Variants in BRINP3 observed in about 807,000 individuals in gnomAD.
BRINP3 encodes the protein BMP/retinoic acid-inducible neural-specific protein 3.
A neutral mutation model predicts 71.0 loss-of-function variants in BRINP3; 19 were observed. The ratio of observed to expected loss-of-function variants is 0.27; its 90% CI spans 0.19 to 0.39. The LOEUF is 0.39. Among genes scored for constraint, BRINP3 ranks in the 10% least tolerant of loss-of-function variants. The pLI, the probability that BRINP3 is intolerant of heterozygous loss-of-function variation, is 1.00. For missense variants in BRINP3, 959 were observed against 940.8 expected (o/e 1.02, Z -0.25); for synonymous variants, 380 against 337.7 (o/e 1.13, Z -1.37).
At chr1:190,390,248 G>A (rs1046260544) in intron 2 of BRINP3, among the ~76,000 whole-genome samples, 2 of 151,670 alleles carry the variant, frequency 1.3e-5, no homozygotes, top group Admixed American at 6.6e-5. Context: ...ATCAGAGGTT[G>A]GAGGAAAGAG....
At chr1:190,290,172 G>C (rs370132192) in intron 2 of BRINP3, among the ~76,000 whole-genome samples, 15 of 152,054 alleles carry the variant, frequency 9.9e-5, no homozygotes, top group African/African-American at 3.4e-4. Context: ...CATGTGACTA[G>C]GGCAAATTAA....
At position 190,227,966 on chromosome 1, in the gene BRINP3, T is replaced by C. The variant is rs529885826; in HGVS notation, c.725-1648A>G. Among the ~76,000 whole-genome samples the C allele has an allele frequency of 2.6e-5, 4 of 152,050 alleles. No homozygotes were observed. In the South Asian group the frequency reaches 8.3e-4, roughly 32 times the overall value. Reference sequence around the variant, plus strand: ...TTTGGAAGTAGAAGGTAAAGAAATATATTAGAGTTGACTAATTTTTAAGAT... The same window carrying C: ...TTTGGAAGTAGAAGGTAAAGAAATACATTAGAGTTGACTAATTTTTAAGAT... On this transcript the variant is annotated intron_variant, in intron 5 of 7. Transcript: ENST00000367462.
At chr1:190,385,298 AC>A (rs2102273689) in intron 2 of BRINP3, among the ~76,000 whole-genome samples, 1 of 152,302 alleles carries the variant, frequency 6.6e-6, no homozygotes, top group East Asian at 1.9e-4. Flanking sequence ...CAGACAGCCT[AC>A]AAAATGGGAG....
chr1:190,156,042 C>A (rs1003144788), intron 7 of BRINP3, among the ~76,000 whole-genome samples: 1 of 152,008 alleles, frequency 6.6e-6, no homozygotes, highest in African/African-American at 2.4e-5. Flanking sequence ...AGAATAGGAG[C>A]AAAAGTTGAC....
At chr1:190,277,343 C>G (rs1662673463) in intron 3 of BRINP3, among the ~76,000 whole-genome samples, 1 of 150,914 alleles carries the variant, frequency 6.6e-6, no homozygotes, top group South Asian at 2.1e-4. Flanking sequence ...TTCTGCTCCT[C>G]ACTGCCTTAG....
At chr1:190,294,236 T>C (rs532735479) in intron 2 of BRINP3, among the ~76,000 whole-genome samples, 7 of 150,340 alleles carry the variant, frequency 4.7e-5, no homozygotes, top group South Asian at 2.1e-4. Context: ...AAACATCTTA[T>C]AGCTATCAGA....
At chr1:190,453,833 A>C (rs1300756156) in intron 2 of BRINP3, among the ~76,000 whole-genome samples, 1 of 152,196 alleles carries the variant, frequency 6.6e-6, no homozygotes, top group Non-Finnish European at 1.5e-5. Context: ...AAAATACACA[A>C]CAAATGTGCT....
rs145739971 is a variant in BRINP3, at chr1:190,407,824, T to G, written c.236+46831A>C. Among the ~76,000 whole-genome samples the G allele has an allele frequency of 2.6e-4, 39 of 152,206 alleles. 1 individual carries two copies. The East Asian group carries it at 7.2e-3, about 28-fold the overall frequency. ...TAATAAACAAAAAGTCAATATCACA[T>G]GAACACCTAAAGCCCTGTATTATAT... On this transcript the variant is annotated intron_variant, in intron 2 of 7. Coordinates refer to ENST00000367462, the MANE Select transcript of BRINP3 (RefSeq NM_199051.3).
intron 2 of BRINP3, among the ~76,000 whole-genome samples, chr1:190,291,366 C>T (rs2102967653): frequency 6.6e-6 from 1 of 151,854 alleles, no homozygotes; most frequent in African/African-American, 2.4e-5. Flanking sequence ...AGCTTCCAAA[C>T]AACAAAGGAA....
At chr1:190,121,886 T>A (rs1571759314) in intron 7 of BRINP3, among the ~76,000 whole-genome samples, 1 of 152,230 alleles carries the variant, frequency 6.6e-6, no homozygotes, top group East Asian at 1.9e-4. Context: ...AGAGGAATTT[T>A]AAAAAATAAA....
intron 2 of BRINP3, among the ~76,000 whole-genome samples, chr1:190,344,682 C>T (rs1308972020): frequency 6.6e-6 from 1 of 151,764 alleles, no homozygotes; most frequent in Non-Finnish European, 1.5e-5. Context: ...ATCAAGTGTT[C>T]ACTGATAATC....
intron 2 of BRINP3, among the ~76,000 whole-genome samples, chr1:190,355,910 A>G (rs1668698854): frequency 6.6e-6 from 1 of 151,868 alleles, no homozygotes; most frequent in African/African-American, 2.4e-5. Flanking sequence ...TCTAAGCCAA[A>G]TCCCTAGTCA....
At chr1:190,260,077 A>G (rs575061889) in intron 4 of BRINP3, among the ~76,000 whole-genome samples, 1 of 151,582 alleles carries the variant, frequency 6.6e-6, no homozygotes, top group East Asian at 1.9e-4. Flanking sequence ...CCACAAAAAA[A>G]AAAAAGAAAA....
chr1:190,234,593 T>C, intron 4 of BRINP3, 116 bp from the exon 5 acceptor site: 2 of 688,834 alleles, frequency 2.9e-6, no homozygotes, highest in Non-Finnish European at 5.0e-6. Context: ...CACTGAAAGG[T>C]CCAGGATCTC....
intron 7 of BRINP3, among the ~76,000 whole-genome samples, chr1:190,147,657 A>G (rs1656008111): frequency 6.6e-6 from 1 of 152,252 alleles, no homozygotes; most frequent in Non-Finnish European, 1.5e-5. Context: ...AAAACAAAAC[A>G]AAACAAAATT....
chr1:190,298,571 A>G (rs1173712243), intron 2 of BRINP3, among the ~76,000 whole-genome samples: 2 of 151,540 alleles, frequency 1.3e-5, no homozygotes, highest in African/African-American at 4.9e-5. Flanking sequence ...TGGTCTTGGG[A>G]CTTTGTCTTT....
chr1:190,152,496 A>G (rs1277481328), intron 7 of BRINP3, among the ~76,000 whole-genome samples: 1 of 149,926 alleles, frequency 6.7e-6, no homozygotes, highest in Non-Finnish European at 1.5e-5. Context: ...GCACAAATAT[A>G]TATATATATA....
chr1:190,118,181 G>A (rs1377704869), intron 7 of BRINP3, among the ~76,000 whole-genome samples: 1 of 151,814 alleles, frequency 6.6e-6, no homozygotes, highest in Non-Finnish European at 1.5e-5. Flanking sequence ...ATAAAGCTCT[G>A]TGATTCTCTA....
Position 190,264,874 on chromosome 1 carries a change from A to C in BRINP3, c.609T>G (p.Thr203=). Residue 203 remains threonine (T), a synonymous_variant, in exon 4 of 8, where the codon ACT becomes ACG. Coordinates refer to ENST00000367462, the MANE Select transcript of BRINP3 (RefSeq NM_199051.3). ...RRLHHIQIAS[T]AIKVTETRTG... ...GTAAACTCATTCTTACCTTTATGGC[A>C]GTGGATGCAATTTGAATGTGGTGAA... The C allele has an allele frequency of 1.2e-6, 2 of 1,613,120 alleles. No individual in the cohort carries two copies. Among genetic ancestry groups the C allele is most frequent in the Non-Finnish European group, 1.7e-6 (2 of 1,179,580 alleles).
Sources: allele counts gnomAD v4.1 joint callset (sites outside exome capture counted in the v4.1 genomes callset), GRCh38; gene constraint gnomAD v4.1.1; transcripts MANE v1.5; gene names NCBI Gene and HGNC (gene_info 2026-07-23, HGNC 2026-07-21).